NKAIN2: variants seen among roughly 807,000 people sequenced by gnomAD.
NKAIN2 encodes the protein sodium/potassium-transporting ATPase subunit beta-1-interacting protein 2.
A neutral mutation model predicts 32.6 loss-of-function variants in NKAIN2; 14 were observed. The observed-to-expected ratio is 0.43, with a 90% CI of 0.28 to 0.67. The LOEUF is 0.67. Among genes scored for constraint, NKAIN2 ranks in the 30% least tolerant of loss-of-function variants. The pLI, the probability that NKAIN2 is intolerant of heterozygous loss-of-function variation, is 0.17. For synonymous variants in NKAIN2, 80 were observed against 87.2 expected (o/e 0.92, Z 0.46); for missense variants, 198 against 258.3 (o/e 0.77, Z 1.60).
intron 3 of NKAIN2, among the ~76,000 whole-genome samples, chr6:124,367,432 T>C (rs887082614): frequency 3.3e-5 from 5 of 152,116 alleles, no homozygotes; most frequent in African/African-American, 4.8e-5. Flanking sequence ...GCATGGATAA[T>C]GAGGTCTACA....
chr6:124,682,097 T>C (rs991134592), intron 4 of NKAIN2, among the ~76,000 whole-genome samples: 1 of 152,018 alleles, frequency 6.6e-6, no homozygotes, highest in Non-Finnish European at 1.5e-5. Flanking sequence ...TCTGAACATA[T>C]ATAAATCCAA....
chr6:124,549,003 G>A (rs921780941), intron 3 of NKAIN2, among the ~76,000 whole-genome samples: 10 of 152,128 alleles, frequency 6.6e-5, no homozygotes, highest in African/African-American at 2.2e-4. Context: ...AGGAGCTGGA[G>A]TCAGAAACCA....
chr6:123,872,617 A>G (rs1324279785), intron 1 of NKAIN2, among the ~76,000 whole-genome samples: 1 of 152,260 alleles, frequency 6.6e-6, no homozygotes, highest in Non-Finnish European at 1.5e-5. Context: ...TATAAAAATT[A>G]GCTAATAAGA....
At chr6:124,132,512 A>G (rs163289) in intron 1 of NKAIN2, among the ~76,000 whole-genome samples, 96,071 of 152,102 alleles carry the variant, frequency 0.63, 30,547 homozygotes, top group East Asian at 0.73. Flanking sequence ...TCAGGCCATT[A>G]CAGCAACTCA....
At chr6:123,822,604 G>T (rs1242646021) in intron 1 of NKAIN2, among the ~76,000 whole-genome samples, 1 of 152,118 alleles carries the variant, frequency 6.6e-6, no homozygotes, top group Non-Finnish European at 1.5e-5. Context: ...ATGAGACTGG[G>T]TTTATGAGAG....
chr6:124,227,313 T>C (rs756360537), intron 1 of NKAIN2, among the ~76,000 whole-genome samples: 3 of 152,122 alleles, frequency 2.0e-5, no homozygotes, highest in Non-Finnish European at 2.9e-5. Flanking sequence ...TGAAGCTTTT[T>C]CTATGAAATG....
chr6:124,598,527 G>C (rs1025060861), intron 3 of NKAIN2, among the ~76,000 whole-genome samples: 1 of 151,998 alleles, frequency 6.6e-6, no homozygotes, highest in Admixed American at 6.6e-5. Context: ...GTTTCTGCTG[G>C]ATACAGCACA....
At chr6:124,529,669 G>A (rs939192082) in intron 3 of NKAIN2, among the ~76,000 whole-genome samples, 3 of 152,134 alleles carry the variant, frequency 2.0e-5, no homozygotes, top group Admixed American at 6.6e-5. Context: ...GTTCCCAAGA[G>A]GGAGCTGTGG....
intron 3 of NKAIN2, among the ~76,000 whole-genome samples, chr6:124,637,768 C>T (rs1348205388): frequency 6.6e-6 from 1 of 151,838 alleles, no homozygotes; most frequent in Non-Finnish European, 1.5e-5. Context: ...AAGAGGACCC[C>T]CAAAAATAAA....
intron 1 of NKAIN2, among the ~76,000 whole-genome samples, chr6:124,103,566 T>C (rs1784985125): frequency 6.6e-6 from 1 of 152,218 alleles, no homozygotes; most frequent in Admixed American, 6.5e-5. Flanking sequence ...GAATTATTTT[T>C]CTAATAATGC....
chr6:124,204,651 G>A (rs1055579429), intron 1 of NKAIN2, among the ~76,000 whole-genome samples: 4 of 151,680 alleles, frequency 2.6e-5, no homozygotes, highest in African/African-American at 7.3e-5. Flanking sequence ...TCATCAAGAA[G>A]TATATTTTAA....
At chr6:123,952,540 G>A (rs1333826839) in intron 1 of NKAIN2, among the ~76,000 whole-genome samples, 3 of 152,004 alleles carry the variant, frequency 2.0e-5, no homozygotes, top group African/African-American at 7.2e-5. Flanking sequence ...TTGTTTTATG[G>A]TGTCACACAT....
chr6:123,974,759 A>G (rs1778481358), intron 1 of NKAIN2, among the ~76,000 whole-genome samples: 1 of 152,214 alleles, frequency 6.6e-6, no homozygotes, highest in East Asian at 1.9e-4. Context: ...GGGAATTGAT[A>G]TTATGGCAGA....
intron 1 of NKAIN2, among the ~76,000 whole-genome samples, chr6:124,169,831 A>G (rs184054766): frequency 8.2e-4 from 124 of 151,980 alleles, no homozygotes; most frequent in African/African-American, 2.8e-3. Flanking sequence ...ACGGACTTTC[A>G]CCCCAGACTC....
chr6:124,045,093 CT>C (rs760566847), intron 1 of NKAIN2, among the ~76,000 whole-genome samples: 52 of 152,010 alleles, frequency 3.4e-4, no homozygotes, highest in Non-Finnish European at 6.8e-4. Flanking sequence ...TAACAAAGTT[CT>C]CTTTTTCATG....
chr6:123,932,074 T>C (rs1462298214), intron 1 of NKAIN2, among the ~76,000 whole-genome samples: 1 of 152,224 alleles, frequency 6.6e-6, no homozygotes, highest in Non-Finnish European at 1.5e-5. Context: ...ATCTTCCAGC[T>C]TACCCTCCCT....
At chr6:124,478,161 AG>A (rs1467680172) in intron 3 of NKAIN2, among the ~76,000 whole-genome samples, 1 of 152,128 alleles carries the variant, frequency 6.6e-6, no homozygotes, top group Non-Finnish European at 1.5e-5. Context: ...TTTTTCTCTA[AG>A]GCCAAACTAT....
chr6:123,815,787 A>T (rs773001014), intron 1 of NKAIN2, among the ~76,000 whole-genome samples: 4 of 152,112 alleles, frequency 2.6e-5, no homozygotes, highest in African/African-American at 4.8e-5. Context: ...TATTGTAAAG[A>T]TATATGTATA....
At chr6:124,722,477 G>T (rs1412810627) in intron 4 of NKAIN2, among the ~76,000 whole-genome samples, 2 of 152,174 alleles carry the variant, frequency 1.3e-5, no homozygotes, top group Admixed American at 1.3e-4. Flanking sequence ...AAGAATGGAG[G>T]GGAATAGTTT....
Sources: allele counts gnomAD v4.1 joint callset (sites outside exome capture counted in the v4.1 genomes callset), GRCh38; gene constraint gnomAD v4.1.1; transcripts MANE v1.5; gene names NCBI Gene and HGNC (gene_info 2026-07-23, HGNC 2026-07-21).